Variants in EYS observed in about 807,000 individuals in gnomAD.
EYS encodes the protein EGF-like photoreceptor maintenance factor.
A neutral mutation model predicts 282.1 loss-of-function variants in EYS; 250 were observed. That is an observed-to-expected ratio of 0.89 (90% CI 0.80 to 0.98). The LOEUF is 0.98. EYS is among the 50% of genes least tolerant of loss of function. EYS has a pLI of 0.00. For synonymous variants in EYS, 1,355 were observed against 1,282.9 expected (o/e 1.06, Z -1.20); for missense variants, 4,016 against 3,709.0 (o/e 1.08, Z -2.15).
At chr6:64,778,132 C>T (rs980332155) in intron 22 of EYS, among the ~76,000 whole-genome samples, 6 of 151,998 alleles carry the variant, frequency 3.9e-5, no homozygotes, top group Non-Finnish European at 7.4e-5. Flanking sequence ...TCTCAGATGC[C>T]AGAAGAACTT....
chr6:63,776,922 T>A (rs1375774208), intron 40 of EYS, among the ~76,000 whole-genome samples: 1 of 152,188 alleles, frequency 6.6e-6, no homozygotes, highest in African/African-American at 2.4e-5. Flanking sequence ...AACGTGTGCT[T>A]CTAATTAAGT....
chr6:63,786,454 T>C (rs1770363242), intron 39 of EYS, among the ~76,000 whole-genome samples: 1 of 151,372 alleles, frequency 6.6e-6, no homozygotes, highest in Non-Finnish European at 1.5e-5. Context: ...AAACACCTCA[T>C]GTTCTCACTC....
intron 26 of EYS, among the ~76,000 whole-genome samples, chr6:64,504,327 T>A (rs1324668898): frequency 6.6e-6 from 1 of 152,154 alleles, no homozygotes; most frequent in Non-Finnish European, 1.5e-5. Context: ...CACCCTAACA[T>A]TTTAGGAAAA....
intron 12 of EYS, among the ~76,000 whole-genome samples, chr6:65,121,874 A>C (rs1192603431): frequency 6.6e-6 from 1 of 151,970 alleles, no homozygotes; most frequent in Non-Finnish European, 1.5e-5. Flanking sequence ...GCTTAGTCTC[A>C]CCTTTACTTA....
intron 8 of EYS, among the ~76,000 whole-genome samples, chr6:65,382,368 TG>T (rs1418991760): frequency 2.0e-5 from 3 of 149,010 alleles, no homozygotes; most frequent in Admixed American, 6.8e-5. Flanking sequence ...TGTGATAAGA[TG>T]TTCCTTTGTT....
intron 2 of EYS, among the ~76,000 whole-genome samples, chr6:65,510,867 T>G (rs1766841758): frequency 6.6e-6 from 1 of 152,220 alleles, no homozygotes; most frequent in African/African-American, 2.4e-5. Flanking sequence ...GGTTTCTTAT[T>G]CCATTGGTAA....
chr6:64,928,353 T>A (rs915849436), intron 15 of EYS, among the ~76,000 whole-genome samples: 2 of 152,132 alleles, frequency 1.3e-5, no homozygotes, highest in Admixed American at 6.5e-5. Flanking sequence ...ATTTTTCCTT[T>A]ATTTCCATAT....
intron 5 of EYS, among the ~76,000 whole-genome samples, chr6:65,471,158 G>A (rs1266304243): frequency 2.2e-5 from 3 of 134,004 alleles, no homozygotes; most frequent in East Asian, 2.3e-4. Context: ...AAACAAAAAC[G>A]AAAACAAAAG....
At chr6:65,389,355 T>C (rs578062008) in intron 7 of EYS, among the ~76,000 whole-genome samples, 2 of 152,250 alleles carry the variant, frequency 1.3e-5, no homozygotes, top group South Asian at 4.1e-4. Context: ...AGGGCCTGAA[T>C]AGGCCAAGGA....
chr6:64,110,891 T>A (rs1435854693), intron 31 of EYS, among the ~76,000 whole-genome samples: 3 of 152,064 alleles, frequency 2.0e-5, no homozygotes, highest in South Asian at 4.1e-4. Context: ...AGTTTCTAGA[T>A]CAGCCTGTGT....
At chr6:65,502,550 A>G (rs1766493512) in intron 2 of EYS, among the ~76,000 whole-genome samples, 1 of 151,626 alleles carries the variant, frequency 6.6e-6, no homozygotes, top group African/African-American at 2.4e-5. Flanking sequence ...TAGTATATTA[A>G]CTAATGAATT....
chr6:64,939,309 A>T (rs1349590727), intron 15 of EYS, among the ~76,000 whole-genome samples: 1 of 151,882 alleles, frequency 6.6e-6, no homozygotes, highest in Non-Finnish European at 1.5e-5. Context: ...TAAAGCAAAT[A>T]ATATATCAAA....
chr6:63,985,983 T>C (rs368903215), intron 34 of EYS, among the ~76,000 whole-genome samples: 7 of 151,604 alleles, frequency 4.6e-5, no homozygotes, highest in South Asian at 4.1e-4. Context: ...GCAGAGTAAA[T>C]AGACAATCTA....
chr6:64,739,794 T>A (rs1772306041), intron 22 of EYS, among the ~76,000 whole-genome samples: 2 of 152,162 alleles, frequency 1.3e-5, no homozygotes, highest in African/African-American at 2.4e-5. Flanking sequence ...GTAATTTACA[T>A]AAATGTTAGG....
chr6:64,454,128 A>G (rs1775472171), intron 26 of EYS, among the ~76,000 whole-genome samples: 1 of 152,098 alleles, frequency 6.6e-6, no homozygotes, highest in Non-Finnish European at 1.5e-5. Context: ...TTATTCTAGG[A>G]TAACATACAA....
At chr6:63,780,196 T>G (rs992134241) in intron 39 of EYS, among the ~76,000 whole-genome samples, 9 of 152,194 alleles carry the variant, frequency 5.9e-5, no homozygotes, top group African/African-American at 1.7e-4. Context: ...TGAATAGTGC[T>G]GCAATAAACA....
chr6:65,349,255 A>C (rs1770510065), intron 9 of EYS, among the ~76,000 whole-genome samples: 1 of 151,712 alleles, frequency 6.6e-6, no homozygotes, highest in East Asian at 1.9e-4. Context: ...ATGTAATCTA[A>C]TTTAATATAT....
At position 64,590,077 on chromosome 6, in the gene EYS, A is replaced by T. The variant is rs1046787367; in HGVS notation, c.5644+146T>A. 6.2e-6 allele frequency: 4 copies of T among 650,328 alleles called. No individual in the cohort carries two copies. The African/African-American group carries it at 7.3e-5, about 12-fold the overall frequency. 40.3% of individuals were successfully genotyped at this position (650,328 alleles called of 1,614,324 possible). A position where few individuals can be genotyped will look rare whatever the true frequency, so the allele number is the denominator to read the frequency against. On this transcript the variant is annotated intron_variant, in intron 26 of 42. Coordinates refer to ENST00000503581, the MANE Select transcript of EYS (RefSeq NM_001142800.2). ...AATAACCATCTGTGTCAGGTACAAC[A>T]GCAGGTGCCTTCTCAATTGAACTGG...
At chr6:65,222,787 G>C (rs1361584163) in intron 12 of EYS, among the ~76,000 whole-genome samples, 1 of 152,182 alleles carries the variant, frequency 6.6e-6, no homozygotes, top group Non-Finnish European at 1.5e-5. Flanking sequence ...AGATACATGG[G>C]ATAGCAGAGA....
Sources: allele counts gnomAD v4.1 joint callset (sites outside exome capture counted in the v4.1 genomes callset), GRCh38; gene constraint gnomAD v4.1.1; transcripts MANE v1.5; gene names NCBI Gene and HGNC (gene_info 2026-07-23, HGNC 2026-07-21).